The following PCDH15 variants were observed in gnomAD, a reference collection of about 807,000 sequenced individuals.
The protein encoded by PCDH15 is protocadherin related 15, also known as protocadherin-15.
Under a neutral mutation model 178.5 loss-of-function variants are expected in PCDH15, and 129 were observed. The observed-to-expected ratio is 0.72, with a 90% CI of 0.63 to 0.84. The LOEUF is 0.84. PCDH15 is among the 40% of genes least tolerant of loss of function. PCDH15 has a pLI of 0.00. For synonymous variants in PCDH15, 800 were observed against 732.0 expected (o/e 1.09, Z -1.50); for missense variants, 2,230 against 2,099.9 (o/e 1.06, Z -1.21).
rs182392094 is a variant in PCDH15 at position 55,456,020 on chromosome 10, A to T, written c.-156+171605T>A. On this transcript the variant is annotated intron_variant, in intron 2 of 5. Coordinates refer to the PCDH15 transcript ENST00000613346. ...TATTATAACAGTTTCAACCAATCAC[A>T]GATAGCCAACTCATCATGGCTGTTA... 2.7e-4 allele frequency among the ~76,000 whole-genome samples: 41 copies of T among 152,276 alleles called. 1 individual carries two copies. The highest frequency in any genetic ancestry group is 9.6e-4 in the African/African-American group (40 of 41,588).
upstream of PCDH15, among the ~76,000 whole-genome samples, chr10:54,802,621 AT>A (rs928207528): frequency 2.0e-5 from 3 of 152,198 alleles, no homozygotes; most frequent in African/African-American, 7.2e-5. Flanking sequence ...AGATAACTTT[AT>A]TGATACATGT....
rs7908653 is a variant in PCDH15, at chr10:54,223,030, A to G, written c.986-8982T>C. ...TTGTTACATTTAAGAAATTGTTGCC[A>G]GCCGGGCACAGTGGCTCACGCCTGT... is the stretch of plus-strand genomic sequence containing the variant. On this transcript the variant is annotated intron_variant, in intron 9 of 37. Transcript: ENST00000644397. Among the ~76,000 whole-genome samples the G allele has an allele frequency of 9.6e-3, 1,461 of 152,172 alleles. 16 individuals are homozygous for G. Among genetic ancestry groups the G allele is most frequent in the African/African-American group, 0.03 (1,265 of 41,546 alleles).
chr10:54,320,583 AT>A (rs66571634), intron 7 of PCDH15, among the ~76,000 whole-genome samples: 30,092 of 148,000 alleles, frequency 0.2, 3,035 homozygotes, highest in Admixed American at 0.23. Context: ...TATATTTTAA[AT>A]TTTAAAAAAA....
intron 1 of PCDH15, among the ~76,000 whole-genome samples, chr10:54,738,628 C>T (rs1370232668): frequency 6.6e-6 from 1 of 151,902 alleles, no homozygotes; most frequent in Non-Finnish European, 1.5e-5. Context: ...TCCAATATCT[C>T]TTATAAACAC....
chr10:55,389,738 C>G (rs540530373), intron 2 of PCDH15, among the ~76,000 whole-genome samples: 1 of 152,208 alleles, frequency 6.6e-6, no homozygotes, highest in East Asian at 1.9e-4. Flanking sequence ...TTCAGCAACT[C>G]TCATACATAT....
At chr10:54,642,388 C>A (rs373554692) in intron 2 of PCDH15, among the ~76,000 whole-genome samples, 137 of 152,272 alleles carry the variant, frequency 9.0e-4, no homozygotes, top group African/African-American at 3.1e-3. Flanking sequence ...TTATAGCAAC[C>A]TAAATGGACT....
intron 6 of PCDH15, among the ~76,000 whole-genome samples, chr10:54,337,413 A>G (rs975970476): frequency 6.6e-6 from 1 of 152,040 alleles, no homozygotes; most frequent in East Asian, 1.9e-4. Flanking sequence ...ATAATCCCCA[A>G]GTGTTGAGGG....
At chr10:54,555,897 T>C (rs774290085) in intron 2 of PCDH15, among the ~76,000 whole-genome samples, 1 of 152,108 alleles carries the variant, frequency 6.6e-6, no homozygotes, top group Non-Finnish European at 1.5e-5. Flanking sequence ...GCTGAATTAT[T>C]GGGGAAGAAC....
At chr10:53,972,507 C>T (rs1338601678) in intron 21 of PCDH15, among the ~76,000 whole-genome samples, 2 of 152,156 alleles carry the variant, frequency 1.3e-5, no homozygotes, top group African/African-American at 2.4e-5. Flanking sequence ...AGGCAACCTA[C>T]AGAATGGGAG....
At chr10:55,155,756 C>T (rs1266616602) in intron 2 of PCDH15, among the ~76,000 whole-genome samples, 1 of 152,000 alleles carries the variant, frequency 6.6e-6, no homozygotes, top group East Asian at 1.9e-4. Context: ...CATCAAGTCC[C>T]TGATGAGTAA....
chr10:55,186,911 C>G (rs1839814913), intron 1 of PCDH15, among the ~76,000 whole-genome samples: 1 of 151,800 alleles, frequency 6.6e-6, no homozygotes, highest in African/African-American at 2.4e-5. Context: ...TTATGAAAGT[C>G]ATTCTTTATA....
At chr10:55,416,896 C>T (rs1424051709) in intron 2 of PCDH15, among the ~76,000 whole-genome samples, 1 of 151,664 alleles carries the variant, frequency 6.6e-6, no homozygotes, top group East Asian at 1.9e-4. Context: ...ATAATGCCCT[C>T]TTGGATAAAT....
intron 20 of PCDH15, among the ~76,000 whole-genome samples, chr10:54,000,201 T>C (rs1471535072): frequency 6.6e-6 from 1 of 152,048 alleles, no homozygotes; most frequent in Non-Finnish European, 1.5e-5. Context: ...TGAAAAGCTT[T>C]CCAAATAACA....
intron 25 of PCDH15, among the ~76,000 whole-genome samples, chr10:53,910,997 A>G (rs2133770435): frequency 6.6e-6 from 1 of 152,332 alleles, no homozygotes; most frequent in Non-Finnish European, 1.5e-5. Flanking sequence ...AAAGCCTCCA[A>G]GAAATATGGG....
In PCDH15 at chr10:54,023,052, A is replaced by G. The variant is rs2092974162; in HGVS notation, c.2366T>C (p.Val789Ala). ...REVRDYYELV[V>A]VATDGAVHPR... ...GTGTACTGCTCCATCTGTTGCCACAACAACAAGTTCATAGTAGTCCCTGAC... is the reference window on the plus strand; with the variant it reads ...GTGTACTGCTCCATCTGTTGCCACAGCAACAAGTTCATAGTAGTCCCTGAC... Residue 789 changes from valine (V) to alanine (A), a missense_variant, in exon 19 of 38, where the codon GTT becomes GCT. Coordinates refer to ENST00000644397, the MANE Select transcript of PCDH15 (RefSeq NM_001384140.1). 1.9e-6 allele frequency: 3 copies of G among 1,614,002 alleles called. No individual in the cohort carries two copies. Among genetic ancestry groups the G allele is most frequent in the South Asian group, 2.2e-5 (2 of 91,082 alleles).
chr10:55,082,821 T>C lies in PCDH15; in HGVS notation c.-80+83755A>G, dbSNP rs189379285. Among the ~76,000 whole-genome samples the C allele has an allele frequency of 6.4e-4, 97 of 151,948 alleles. 1 individual carries two copies. Among genetic ancestry groups the C allele is most frequent in the African/African-American group, 2.2e-3 (92 of 41,546 alleles). ...GAATACATTGATAAATGTCTGGAGATATATGACTAACCAAGATTGAACTAT... is the reference window on the plus strand; with the variant it reads ...GAATACATTGATAAATGTCTGGAGACATATGACTAACCAAGATTGAACTAT... On this transcript the variant is annotated intron_variant, in intron 2 of 5. Coordinates refer to the PCDH15 transcript ENST00000458638.
Position 54,548,694 on chromosome 10 carries a change from G to T in PCDH15, c.92-20817C>A, listed in dbSNP as rs192046473. Among the ~76,000 whole-genome samples the T allele has an allele frequency of 1.2e-4, 18 of 148,006 alleles. No individual in the cohort carries two copies. The East Asian group carries it at 2.9e-3, about 24-fold the overall frequency. On this transcript the variant is annotated intron_variant, in intron 2 of 37. Coordinates refer to ENST00000644397, the MANE Select transcript of PCDH15 (RefSeq NM_001384140.1). ...TTGTTTCACATATATATACAACATTGCTTGGTTCAATTTGTTAATAATTTC... is the reference window on the plus strand; with the variant it reads ...TTGTTTCACATATATATACAACATTTCTTGGTTCAATTTGTTAATAATTTC...
chr10:54,965,369 C>T (rs530004194), intron 2 of PCDH15, among the ~76,000 whole-genome samples: 67 of 152,148 alleles, frequency 4.4e-4, no homozygotes, highest in Middle Eastern at 6.8e-3. Flanking sequence ...GTGAATAAGT[C>T]TCATGAGATC....
intron 1 of PCDH15, among the ~76,000 whole-genome samples, chr10:55,254,588 T>C (rs1166080259): frequency 6.6e-6 from 1 of 152,116 alleles, no homozygotes; most frequent in Non-Finnish European, 1.5e-5. Flanking sequence ...TAGAAAAAAA[T>C]ATATATCAAG....
Sources: allele counts gnomAD v4.1 joint callset (sites outside exome capture counted in the v4.1 genomes callset), GRCh38; gene constraint gnomAD v4.1.1; transcripts MANE v1.5; gene names NCBI Gene and HGNC (gene_info 2026-07-23, HGNC 2026-07-21).